Variants in PPARGC1A observed in about 807,000 individuals in gnomAD.
PPARGC1A encodes peroxisome proliferator-activated receptor gamma coactivator 1-alpha.
PPARGC1A carries 25 observed loss-of-function variants against 88.7 expected under a neutral mutation model. The observed-to-expected ratio is 0.28, with a 90% CI of 0.21 to 0.39. The LOEUF (loss-of-function observed/expected upper bound fraction) is 0.39. PPARGC1A is among the 10% of genes least tolerant of loss of function. The pLI, the probability that PPARGC1A is intolerant of heterozygous loss-of-function variation, is 1.00. For synonymous variants in PPARGC1A, 363 were observed against 355.6 expected (o/e 1.02, Z -0.24); for missense variants, 880 against 968.7 (o/e 0.91, Z 1.22).
At chr4:24,410,616 C>CGGG in the PPARGC1A span, among the ~76,000 whole-genome samples, 1 of 152,038 alleles carries the variant, frequency 6.6e-6, no homozygotes, top group African/African-American at 2.4e-5. Context: ...AATCAGTGGT[C>CGGG]GGGGTGAGGC....
the PPARGC1A span, among the ~76,000 whole-genome samples, chr4:24,428,107 G>A: frequency 6.7e-6 from 1 of 148,390 alleles, no homozygotes; most frequent in Non-Finnish European, 1.5e-5. Flanking sequence ...GTGACAGAGT[G>A]AGAGAGACCC....
At chr4:24,040,586 G>C in the PPARGC1A span, among the ~76,000 whole-genome samples, 1 of 152,040 alleles carries the variant, frequency 6.6e-6, no homozygotes, top group Non-Finnish European at 1.5e-5. Flanking sequence ...GTACATTAGT[G>C]AGTCCACTAA....
chr4:24,437,066 C>G, the PPARGC1A span, among the ~76,000 whole-genome samples: 1 of 152,240 alleles, frequency 6.6e-6, no homozygotes, highest in African/African-American at 2.4e-5. Context: ...AAACTCCAAA[C>G]CTGAAAGTCA....
chr4:24,145,078 AGTGTGTGTGTGTGTGTGTGT>A, the PPARGC1A span, among the ~76,000 whole-genome samples: 1 of 144,220 alleles, frequency 6.9e-6, no homozygotes, highest in African/African-American at 2.5e-5. Flanking sequence ...GTGTTGAATG[AGTGTGTGTGTGTGTGTGTGT>A]GTGTGTGTGT....
chr4:23,801,454 C>T (rs909566240), intron 12 of PPARGC1A, among the ~76,000 whole-genome samples: 3 of 152,090 alleles, frequency 2.0e-5, no homozygotes, highest in Non-Finnish European at 4.4e-5. Context: ...AAATCATGAA[C>T]ACATGTGGAA....
the PPARGC1A span, among the ~76,000 whole-genome samples, chr4:24,073,246 G>A: frequency 1.3e-5 from 2 of 151,936 alleles, no homozygotes; most frequent in African/African-American, 2.4e-5. Flanking sequence ...CTTTTCCCAT[G>A]TTGACCAGGA....
chr4:24,381,924 A>G, the PPARGC1A span, among the ~76,000 whole-genome samples: 59 of 152,338 alleles, frequency 3.9e-4, 1 homozygote, highest in African/African-American at 1.3e-3. Flanking sequence ...GGACTACCCA[A>G]CTTAATGTTA....
chr4:24,222,045 C>A, the PPARGC1A span, among the ~76,000 whole-genome samples: 3 of 152,096 alleles, frequency 2.0e-5, no homozygotes, highest in East Asian at 5.8e-4. Context: ...GTAAAGGGTA[C>A]AAGAGAAGCA....
chr4:24,056,212 C>A, the PPARGC1A span, among the ~76,000 whole-genome samples: 1 of 152,114 alleles, frequency 6.6e-6, no homozygotes, highest in Non-Finnish European at 1.5e-5. Flanking sequence ...ATGCCTTTGA[C>A]CTTGGATCTA....
the PPARGC1A span, among the ~76,000 whole-genome samples, chr4:23,916,317 T>G: frequency 6.6e-6 from 1 of 152,214 alleles, no homozygotes; most frequent in Admixed American, 6.5e-5. Flanking sequence ...GACTATTGCT[T>G]TTTATTTTCA....
chr4:24,150,163 C>T, the PPARGC1A span, among the ~76,000 whole-genome samples: 5 of 152,100 alleles, frequency 3.3e-5, no homozygotes, highest in African/African-American at 9.7e-5. Flanking sequence ...TCCTCAGTCA[C>T]GAACTGAAGA....
the PPARGC1A span, among the ~76,000 whole-genome samples, chr4:24,387,818 AAGAAAGAG>A: frequency 0.059 from 4,727 of 80,788 alleles, 333 homozygotes; most frequent in Middle Eastern, 0.072. Flanking sequence ...GAAAGAAAGA[AAGAAAGAG>A]AGAAAGAGAG....
chr4:23,921,050 C>G, the PPARGC1A span, among the ~76,000 whole-genome samples: 26 of 152,108 alleles, frequency 1.7e-4, no homozygotes, highest in Admixed American at 2.6e-4. Context: ...GTGCCACCCC[C>G]CACCCACTCC....
chr4:24,279,477 A>T, the PPARGC1A span, among the ~76,000 whole-genome samples: 2 of 152,228 alleles, frequency 1.3e-5, no homozygotes, highest in Non-Finnish European at 2.9e-5. Flanking sequence ...GGGGGAGAAG[A>T]AAACAAGATC....
At chr4:24,034,779 T>C in the PPARGC1A span, among the ~76,000 whole-genome samples, 2 of 152,236 alleles carry the variant, frequency 1.3e-5, no homozygotes, top group African/African-American at 2.4e-5. Flanking sequence ...AAGTAAGTGA[T>C]TGAGAATAAA....
In PPARGC1A at chr4:23,794,625, A is replaced by G. The variant is rs1717185122; in HGVS notation, c.*1197T>C. Reference sequence around the variant, plus strand: ...TAATTACATTTGAATATTCTTGATTAAGAAAAATTTAGCAGTTTTGAAAAG... The same window carrying G: ...TAATTACATTTGAATATTCTTGATTGAGAAAAATTTAGCAGTTTTGAAAAG... On this transcript the variant is annotated 3_prime_UTR_variant, in exon 13 of 13. Coordinates refer to ENST00000264867, the MANE Select transcript of PPARGC1A (RefSeq NM_013261.5). 1 of 152,638 alleles carries G rather than the reference A, an allele frequency of 6.6e-6. No homozygotes were observed. Among genetic ancestry groups the G allele is most frequent in the Non-Finnish European group, 1.5e-5 (1 of 68,036 alleles). 9.5% of individuals were successfully genotyped at this position (152,638 alleles called of 1,614,324 possible).
chr4:24,092,344 C>T, the PPARGC1A span, among the ~76,000 whole-genome samples: 1 of 152,196 alleles, frequency 6.6e-6, no homozygotes, highest in Non-Finnish European at 1.5e-5. Context: ...TTCACTAGCA[C>T]TTCACATGCA....
chr4:23,831,577 C>T lies in PPARGC1A; in HGVS notation c.409G>A (p.Glu137Lys), dbSNP rs1358609848. ...SMPDGTPPPQ[E>K]AEEPSLLKKL... is the part of the protein sequence containing the mutation. Reference sequence around the variant, plus strand: ...CTTACTAGAGACGGCTCTTCTGCCTCCTGGGGTGGAGGGGTGCCGTCAGGC... The same window carrying T: ...CTTACTAGAGACGGCTCTTCTGCCTTCTGGGGTGGAGGGGTGCCGTCAGGC... The change falls in exon 3 of 13, where the codon GAG (glutamate) becomes AAG (lysine). Residue 137 changes from glutamate (E) to lysine (K), a missense_variant. Transcript: ENST00000264867. The T allele has an allele frequency of 6.2e-7, 1 of 1,614,042 alleles. No homozygotes were observed. Among genetic ancestry groups the T allele is most frequent in the Non-Finnish European group, 8.5e-7 (1 of 1,179,978 alleles).
the PPARGC1A span, among the ~76,000 whole-genome samples, chr4:24,268,569 G>A: frequency 1.3e-5 from 2 of 152,096 alleles, no homozygotes; most frequent in Non-Finnish European, 1.5e-5. Context: ...TGTTTAAAGC[G>A]TTTCTATGGC....
Sources: gnomAD v4.1 joint callset for allele counts (sites outside exome capture counted in the v4.1 genomes callset) on GRCh38, gnomAD v4.1.1 for gene constraint, MANE v1.5 for transcripts, NCBI Gene and HGNC (gene_info 2026-07-23, HGNC 2026-07-21) for gene names.